Variants in SH3RF1 observed in about 807,000 individuals in gnomAD.
SH3RF1 encodes the protein E3 ubiquitin-protein ligase SH3RF1.
Under a neutral mutation model 74.0 loss-of-function variants are expected in SH3RF1, and 32 were observed. That is an observed-to-expected ratio of 0.43 (90% CI 0.33 to 0.58). The LOEUF is 0.58. Among genes scored for constraint, SH3RF1 ranks in the 20% least tolerant of loss-of-function variants. The probability of loss-of-function intolerance (pLI) is 0.05; values close to 1 mark genes in which losing one functional copy is unlikely to be tolerated. For missense variants in SH3RF1, 954 were observed against 1,130.9 expected, an observed-to-expected ratio of 0.84 and a Z score of 2.24; for synonymous variants, 396 against 439.6, an observed-to-expected ratio of 0.90 and a Z score of 1.24.
chr4:169,121,526 T>C (rs1733435364), intron 7 of SH3RF1, among the ~76,000 whole-genome samples: 2 of 152,102 alleles, frequency 1.3e-5, no homozygotes, highest in African/African-American at 4.8e-5. Flanking sequence ...AAAGTCCAGA[T>C]CACAAAACGT....
intron 2 of SH3RF1, among the ~76,000 whole-genome samples, chr4:169,252,254 G>A (rs75321165): frequency 2.6e-4 from 40 of 152,276 alleles, no homozygotes; most frequent in South Asian, 4.1e-4. Flanking sequence ...TTCATTCATG[G>A]CTAACCCAGA....
intron 2 of SH3RF1, among the ~76,000 whole-genome samples, chr4:169,237,139 TC>T (rs1191709305): frequency 6.6e-6 from 1 of 152,168 alleles, no homozygotes; most frequent in Non-Finnish European, 1.5e-5. Context: ...CAGCAATGTC[TC>T]CTAATAAACC....
At chr4:169,253,625 T>C (rs897488307) in intron 2 of SH3RF1, among the ~76,000 whole-genome samples, 1 of 152,230 alleles carries the variant, frequency 6.6e-6, no homozygotes, top group African/African-American at 2.4e-5. Context: ...GTGCTATTGC[T>C]AACCACATTA....
At position 169,116,336 on chromosome 4, in the gene SH3RF1, G is replaced by T. The variant is rs978441058; in HGVS notation, c.2072C>A (p.Thr691Lys). 1.9e-6 allele frequency: 3 copies of T among 1,614,054 alleles called. No individual in the cohort carries two copies. The African/African-American group carries it at 4.0e-5, about 22-fold the overall frequency. The change falls in exon 10 of 12, where the codon ACA (threonine) becomes AAA (lysine). Residue 691 changes from threonine to lysine, a missense_variant. Coordinates refer to ENST00000284637, the MANE Select transcript of SH3RF1 (RefSeq NM_020870.4). ...RIVTVLPGLP[T>K]SPDSASSACG... is the part of the protein sequence containing the mutation. ...AGCTGATGAAGCACTGTCAGGAGATGTGGGGAGTCCAGGGAGAACGGTCAC... is the reference window on the plus strand; with the variant it reads ...AGCTGATGAAGCACTGTCAGGAGATTTGGGGAGTCCAGGGAGAACGGTCAC...
At chr4:169,189,119 C>T (rs541268541) in intron 2 of SH3RF1, among the ~76,000 whole-genome samples, 2 of 152,332 alleles carry the variant, frequency 1.3e-5, no homozygotes, top group East Asian at 1.9e-4. Context: ...CAAGTAGAAG[C>T]TTTTGTAAAT....
At chr4:169,222,703 C>T (rs531345186) in intron 2 of SH3RF1, among the ~76,000 whole-genome samples, 2 of 151,890 alleles carry the variant, frequency 1.3e-5, no homozygotes, top group Non-Finnish European at 2.9e-5. Flanking sequence ...TTATTGCTTC[C>T]CTTGTTAATC....
intron 11 of SH3RF1, among the ~76,000 whole-genome samples, chr4:169,106,096 G>GTATA (rs976978838): frequency 2.0e-5 from 3 of 151,166 alleles, no homozygotes; most frequent in Admixed American, 6.6e-5. Context: ...ATGTGTGTGT[G>GTATA]TATATATATT....
At chr4:169,147,199 C>A (rs1478520245) in intron 4 of SH3RF1, among the ~76,000 whole-genome samples, 1 of 152,118 alleles carries the variant, frequency 6.6e-6, no homozygotes, top group African/African-American at 2.4e-5. Context: ...TGAATGCACA[C>A]CATAAATCAG....
intron 2 of SH3RF1, among the ~76,000 whole-genome samples, chr4:169,196,092 G>T (rs773269696): frequency 6.6e-6 from 1 of 152,190 alleles, no homozygotes; most frequent in Non-Finnish European, 1.5e-5. Flanking sequence ...TGAGATTACA[G>T]GAGTGAGCCA....
intron 4 of SH3RF1, among the ~76,000 whole-genome samples, chr4:169,145,123 A>G (rs1733852599): frequency 6.6e-6 from 1 of 152,150 alleles, no homozygotes; most frequent in South Asian, 2.1e-4. Context: ...CTAAAAAGAA[A>G]CCTGTACTTG....
chr4:169,223,711 T>G (rs1297324650), intron 2 of SH3RF1, among the ~76,000 whole-genome samples: 1 of 152,122 alleles, frequency 6.6e-6, no homozygotes, highest in African/African-American at 2.4e-5. Flanking sequence ...AACAAATAAT[T>G]ATAGAAGTTA....
At chr4:169,106,338 C>T (rs1188943301) in intron 11 of SH3RF1, among the ~76,000 whole-genome samples, 4 of 151,822 alleles carry the variant, frequency 2.6e-5, no homozygotes, top group Non-Finnish European at 1.5e-5. Context: ...CATGAGCCAC[C>T]GTGCCTGGCC....
Position 169,217,161 on chromosome 4 carries a change from C to CAA in SH3RF1, c.393+51657_393+51658dup, listed in dbSNP as rs563116493. 449 of 70,700 alleles carry CAA rather than the reference C, an allele frequency of 6.4e-3. 3 individuals carry two copies. The highest frequency in any genetic ancestry group is 0.021 in the African/African-American group (412 of 19,920). The allele number at this position is 70,700 out of a possible 1,614,324, so 4.4% of individuals were successfully genotyped here. On this transcript the variant is annotated intron_variant, in intron 2 of 11. Transcript: ENST00000284637. Reference sequence around the variant, plus strand: ...TGGGTGACAAAGTGAGACCCTGTCTCAAAAAAAAAAAAAAAAAAGTGAGTT... The same window carrying CAA: ...TGGGTGACAAAGTGAGACCCTGTCTCAAAAAAAAAAAAAAAAAAAAGTGAGTT...
At chr4:169,187,419 G>A (rs1196639399) in intron 2 of SH3RF1, among the ~76,000 whole-genome samples, 3 of 151,832 alleles carry the variant, frequency 2.0e-5, no homozygotes, top group Non-Finnish European at 4.4e-5. Context: ...TCAAACTCTT[G>A]GGCTCAAGCA....
intron 4 of SH3RF1, among the ~76,000 whole-genome samples, chr4:169,148,870 G>A (rs187536864): frequency 1.3e-5 from 2 of 152,278 alleles, no homozygotes; most frequent in Admixed American, 1.3e-4. Context: ...TGTAAAGAGA[G>A]CAGTTCCAGG....
chr4:169,237,036 T>A (rs1017025041), intron 2 of SH3RF1, among the ~76,000 whole-genome samples: 1 of 152,224 alleles, frequency 6.6e-6, no homozygotes, highest in Non-Finnish European at 1.5e-5. Flanking sequence ...ACACGCTCCC[T>A]TCTCAATGAA....
At chr4:169,161,548 T>TCCC (rs1734148390) in intron 2 of SH3RF1, among the ~76,000 whole-genome samples, 1 of 152,216 alleles carries the variant, frequency 6.6e-6, no homozygotes, top group Non-Finnish European at 1.5e-5. Flanking sequence ...CACTGCCAAT[T>TCCC]TATTTTATAG....
rs889020623 is a variant in SH3RF1, at chr4:169,268,712, T to C, written c.393+108A>G. ...TATAATCTATCTGTTCCAGTATGTA[T>C]GGTTTCCTAAGCAATGAGTTGACTT... On this transcript the variant is annotated intron_variant, in intron 2 of 11. Transcript: ENST00000284637. 4.0e-6 allele frequency: 5 copies of C among 1,248,882 alleles called. No homozygotes were observed. The Admixed American group carries it at 9.7e-5, about 24-fold the overall frequency. 77.4% of individuals were successfully genotyped at this position (1,248,882 alleles called of 1,614,324 possible).
intron 2 of SH3RF1, chr4:169,166,852 A>G: frequency 3.3e-6 from 1 of 299,802 alleles, no homozygotes; most frequent in Middle Eastern, 4.1e-4. Context: ...TGTCATTGCC[A>G]CCTCAACCAA....
Sources: gnomAD v4.1 joint callset for allele counts (sites outside exome capture counted in the v4.1 genomes callset) on GRCh38, gnomAD v4.1.1 for gene constraint, MANE v1.5 for transcripts, NCBI Gene and HGNC (gene_info 2026-07-23, HGNC 2026-07-21) for gene names.